Variants in VTI1A observed in about 807,000 individuals in gnomAD.
VTI1A encodes the protein vesicle transport through interaction with t-SNAREs homolog 1A.
In VTI1A, 22 loss-of-function variants were observed where a neutral mutation model predicts 34.9. The observed-to-expected ratio is 0.63, with a 90% confidence interval of 0.45 to 0.90. The LOEUF (loss-of-function observed/expected upper bound fraction) is 0.90, where lower values mean the gene tolerates loss of function less well. VTI1A is among the 40% of genes least tolerant of loss of function. The pLI, the probability that VTI1A is intolerant of heterozygous loss-of-function variation, is 0.00. For missense variants in VTI1A, 268 were observed against 275.6 expected, an observed-to-expected ratio of 0.97 and a Z score of 0.20; for synonymous variants, 87 against 97.3, an observed-to-expected ratio of 0.89 and a Z score of 0.62.
At position 112,712,474 on chromosome 10, in the gene VTI1A, T is replaced by TCACACACACACA. The variant is rs60129148; in HGVS notation, c.560+43503_560+43514dup. Among the ~76,000 whole-genome samples the TCACACACACACA allele has an allele frequency of 5.8e-3, 836 of 143,454 alleles. 7 individuals carry two copies. The highest frequency in any genetic ancestry group is 0.02 in the African/African-American group (765 of 38,020). The allele number at this position is 143,454 out of a possible 152,430, so 94.1% of individuals were successfully genotyped here. On this transcript the variant is annotated intron_variant, in intron 7 of 7. Coordinates refer to ENST00000393077, the MANE Select transcript of VTI1A (RefSeq NM_145206.4). ...TACAGCTAAATGAGATCAACTATTATCACACACACACACACACACACACAC... is the reference window on the plus strand; with the variant it reads ...TACAGCTAAATGAGATCAACTATTATCACACACACACACACACACACACACACACACACACAC...
chr10:112,452,319 C>T (rs918091191), intron 1 of VTI1A, among the ~76,000 whole-genome samples: 6 of 152,118 alleles, frequency 3.9e-5, no homozygotes, highest in African/African-American at 1.2e-4. Flanking sequence ...ACTGTAATCT[C>T]AGCACTTTGG....
At chr10:112,837,326 CA>C in the VTI1A span, among the ~76,000 whole-genome samples, 2 of 149,910 alleles carry the variant, frequency 1.3e-5, no homozygotes, top group African/African-American at 4.9e-5. Flanking sequence ...GACAACGTCT[CA>C]AAAAAAAATC....
At chr10:112,852,041 C>T in the VTI1A span, among the ~76,000 whole-genome samples, 1 of 152,092 alleles carries the variant, frequency 6.6e-6, no homozygotes, top group Admixed American at 6.5e-5. Flanking sequence ...AATCATGTTT[C>T]CTTTTTTGCC....
chr10:112,735,077 T>A (rs1445033306), intron 7 of VTI1A, among the ~76,000 whole-genome samples: 2 of 152,230 alleles, frequency 1.3e-5, no homozygotes, highest in Non-Finnish European at 2.9e-5. Context: ...TTTTATCTTC[T>A]GTTGAATTTA....
intron 7 of VTI1A, among the ~76,000 whole-genome samples, chr10:112,703,691 A>G (rs1276271811): frequency 6.6e-6 from 1 of 152,206 alleles, no homozygotes; most frequent in Non-Finnish European, 1.5e-5. Flanking sequence ...GAAACATCAC[A>G]TATATATTAT....
intron 7 of VTI1A, among the ~76,000 whole-genome samples, chr10:112,806,136 A>G (rs993532425): frequency 2.0e-5 from 3 of 152,132 alleles, no homozygotes; most frequent in African/African-American, 4.8e-5. Context: ...CTCCCTGCCC[A>G]TCAAAACTCA....
At chr10:112,467,465 T>TA (rs902177654) in intron 3 of VTI1A, among the ~76,000 whole-genome samples, 127 of 147,388 alleles carry the variant, frequency 8.6e-4, no homozygotes, top group South Asian at 3.6e-3. Context: ...GCTGATGAGC[T>TA]AAAAAAAAAA....
At chr10:112,848,379 C>T in the VTI1A span, among the ~76,000 whole-genome samples, 1 of 152,202 alleles carries the variant, frequency 6.6e-6, no homozygotes, top group Non-Finnish European at 1.5e-5. Context: ...GCAACGATGA[C>T]TAGGGCAATT....
intron 4 of VTI1A, among the ~76,000 whole-genome samples, chr10:112,536,382 C>A (rs1850612918): frequency 6.6e-6 from 1 of 152,144 alleles, no homozygotes; most frequent in Non-Finnish European, 1.5e-5. Flanking sequence ...TCCTTACTCC[C>A]AGAACCTGCA....
intron 7 of VTI1A, among the ~76,000 whole-genome samples, chr10:112,695,573 CTTTT>C (rs1848754878): frequency 6.6e-6 from 1 of 152,188 alleles, no homozygotes; most frequent in Non-Finnish European, 1.5e-5. Context: ...CACATATTTG[CTTTT>C]GCAAATATGG....
chr10:112,828,351 G>A, the VTI1A span, among the ~76,000 whole-genome samples: 2 of 152,002 alleles, frequency 1.3e-5, no homozygotes, highest in East Asian at 1.9e-4. Context: ...ATGGTAGAAA[G>A]ATATTTATTT....
chr10:112,581,398 C>T (rs570426912), intron 5 of VTI1A, among the ~76,000 whole-genome samples: 1 of 152,296 alleles, frequency 6.6e-6, no homozygotes, highest in Admixed American at 6.5e-5. Context: ...GCTTAAATTA[C>T]CAATTTGAGT....
chr10:112,541,851 G>A (rs1850883528), intron 5 of VTI1A, among the ~76,000 whole-genome samples: 1 of 152,084 alleles, frequency 6.6e-6, no homozygotes, highest in African/African-American at 2.4e-5. Flanking sequence ...TTTCTTTGAT[G>A]GATCCTTTCT....
At chr10:112,489,112 A>G (rs1312629443) in intron 3 of VTI1A, among the ~76,000 whole-genome samples, 1 of 152,152 alleles carries the variant, frequency 6.6e-6, no homozygotes, top group Non-Finnish European at 1.5e-5. Flanking sequence ...CTGATTCTGA[A>G]GGCCCAGGTG....
intron 7 of VTI1A, among the ~76,000 whole-genome samples, chr10:112,736,490 A>AT (rs1358854973): frequency 6.6e-6 from 1 of 152,122 alleles, no homozygotes; most frequent in Non-Finnish European, 1.5e-5. Flanking sequence ...GGGTGGATGG[A>AT]TGGACTAAAG....
chr10:112,544,625 GAA>G (rs112556669), intron 5 of VTI1A, among the ~76,000 whole-genome samples: 1 of 139,934 alleles, frequency 7.1e-6, no homozygotes, highest in Admixed American at 7.2e-5. Context: ...CCCGCCTCCA[GAA>G]AAAAAAAAAA....
chr10:112,727,663 C>T (rs993902799), intron 7 of VTI1A, among the ~76,000 whole-genome samples: 5 of 151,988 alleles, frequency 3.3e-5, no homozygotes, highest in African/African-American at 1.2e-4. Context: ...AAATGTGATC[C>T]ATTTACAGGG....
At chr10:112,536,580 A>G (rs1850622303) in intron 4 of VTI1A, among the ~76,000 whole-genome samples, 2 of 151,570 alleles carry the variant, frequency 1.3e-5, no homozygotes, top group Admixed American at 6.6e-5. Flanking sequence ...TTATTTATTT[A>G]TATTTATATT....
At chr10:112,851,855 CTG>C in the VTI1A span, among the ~76,000 whole-genome samples, 1 of 152,170 alleles carries the variant, frequency 6.6e-6, no homozygotes, top group Non-Finnish European at 1.5e-5. Context: ...CGTAGGAAGA[CTG>C]TTTCTCAACC....
Sources: allele counts gnomAD v4.1 joint callset (sites outside exome capture counted in the v4.1 genomes callset), GRCh38; gene constraint gnomAD v4.1.1; transcripts MANE v1.5; gene names NCBI Gene and HGNC (gene_info 2026-07-23, HGNC 2026-07-21).